Variants in ASCC3 observed in about 807,000 individuals in gnomAD.
ASCC3 encodes the protein activating signal cointegrator 1 complex subunit 3.
A neutral mutation model predicts 256.3 loss-of-function variants in ASCC3; 158 were observed. That is an observed-to-expected ratio of 0.62 (90% CI 0.54 to 0.70). The LOEUF (loss-of-function observed/expected upper bound fraction) is 0.70, where lower values mean the gene tolerates loss of function less well. Among genes scored for constraint, ASCC3 ranks in the 30% least tolerant of loss-of-function variants. The pLI, the probability that ASCC3 is intolerant of heterozygous loss-of-function variation, is 0.00. For missense variants in ASCC3, 2,259 were observed against 2,626.0 expected (o/e 0.86, Z 3.05); for synonymous variants, 948 against 883.4 (o/e 1.07, Z -1.30).
At chr6:100,798,666 G>A (rs371998524) in intron 8 of ASCC3, 47 bp downstream of exon 8, 43 of 1,607,358 alleles carry the variant, frequency 2.7e-5, no homozygotes, top group Admixed American at 5.0e-5. Flanking sequence ...CATTCATACC[G>A]CATACCAAGC....
chr6:100,586,302 C>T (rs1261882048), intron 36 of ASCC3, among the ~76,000 whole-genome samples: 1 of 152,160 alleles, frequency 6.6e-6, no homozygotes, highest in African/African-American at 2.4e-5. Flanking sequence ...TGACCCTTCC[C>T]CAGCCTTGCT....
intron 10 of ASCC3, among the ~76,000 whole-genome samples, chr6:100,756,383 G>A (rs1013263250): frequency 6.6e-6 from 1 of 151,886 alleles, no homozygotes; most frequent in East Asian, 1.9e-4. Flanking sequence ...AAGTAATTCA[G>A]TAAAAGCTTG....
At chr6:100,784,209 T>G (rs1039604106) in intron 8 of ASCC3, among the ~76,000 whole-genome samples, 1 of 152,114 alleles carries the variant, frequency 6.6e-6, no homozygotes, top group Non-Finnish European at 1.5e-5. Flanking sequence ...TCAATGAAAA[T>G]ACTGACTTCC....
chr6:100,602,739 G>C (rs773741524), intron 33 of ASCC3, among the ~76,000 whole-genome samples: 1 of 152,056 alleles, frequency 6.6e-6, no homozygotes, highest in Non-Finnish European at 1.5e-5. Flanking sequence ...AGTACACAAA[G>C]ATAATCAGAT....
chr6:100,591,344 G>T (rs1212060881), intron 34 of ASCC3, among the ~76,000 whole-genome samples: 2 of 151,940 alleles, frequency 1.3e-5, no homozygotes, highest in African/African-American at 4.8e-5. Flanking sequence ...CCATATAAAA[G>T]ATACAAATAT....
chr6:100,530,140 C>T (rs529502731), intron 37 of ASCC3: 6 of 560,412 alleles, frequency 1.1e-5, no homozygotes, highest in African/African-American at 9.4e-5. Context: ...TACACTGTCA[C>T]ATTTCTCTAT....
At chr6:100,844,841 A>G (rs887438531) in intron 4 of ASCC3, among the ~76,000 whole-genome samples, 6 of 152,152 alleles carry the variant, frequency 3.9e-5, no homozygotes, top group African/African-American at 1.4e-4. Context: ...ACACAGATGT[A>G]CTTTCTATGT....
chr6:100,613,344 C>T (rs965266142), intron 30 of ASCC3, among the ~76,000 whole-genome samples: 1 of 151,874 alleles, frequency 6.6e-6, no homozygotes, highest in Non-Finnish European at 1.5e-5. Context: ...TTTGTGGGTA[C>T]ATAGTCACAT....
intron 10 of ASCC3, among the ~76,000 whole-genome samples, chr6:100,733,045 G>A (rs897628678): frequency 6.6e-6 from 1 of 152,132 alleles, no homozygotes; most frequent in African/African-American, 2.4e-5. Context: ...ATAAGGTTTA[G>A]TAAAGTGATA....
At chr6:100,715,153 C>T (rs72942932) in intron 13 of ASCC3, 7,226 of 195,196 alleles carry the variant, frequency 0.037, 168 homozygotes, top group Middle Eastern at 0.072. Flanking sequence ...TCAAACAATA[C>T]AGAACTTTAT....
chr6:100,540,330 C>T lies in ASCC3; in HGVS notation c.5608G>A (p.Glu1870Lys). The part of the protein sequence containing the change: ...VRHNEDHMNS[E>K]LAKCLPIESN... Reference sequence around the variant, plus strand: ...TCAATGGGAAGACATTTTGCCAGTTCACTATTCATATGATCTTCATTGTGT... The same window carrying T: ...TCAATGGGAAGACATTTTGCCAGTTTACTATTCATATGATCTTCATTGTGT... The change falls in exon 37 of 42, where the codon GAA becomes AAA. Residue 1870 changes from glutamate to lysine, a missense_variant. By Grantham distance (56) the Glu-to-Lys change is moderately conservative. Transcript: ENST00000369162. 6.2e-7 allele frequency: 1 copy of T among 1,612,410 alleles called. No homozygotes were observed. Among genetic ancestry groups the T allele is most frequent in the South Asian group, 1.1e-5 (1 of 90,984 alleles).
chr6:100,563,255 CTT>C (rs1042019336), intron 36 of ASCC3, among the ~76,000 whole-genome samples: 1 of 152,002 alleles, frequency 6.6e-6, no homozygotes, highest in Non-Finnish European at 1.5e-5. Context: ...TTCTTCAACT[CTT>C]TTTTGTGCTT....
intron 13 of ASCC3, among the ~76,000 whole-genome samples, chr6:100,712,214 CTCTT>C (rs769982186): frequency 4.1e-4 from 63 of 152,110 alleles, no homozygotes; most frequent in Non-Finnish European, 7.9e-4. Context: ...ATGGCAGTAA[CTCTT>C]TATATACAAC....
At chr6:100,517,613 T>G (rs1250530112) in intron 38 of ASCC3, among the ~76,000 whole-genome samples, 4 of 152,208 alleles carry the variant, frequency 2.6e-5, no homozygotes, top group African/African-American at 9.6e-5. Context: ...GGATTTCAGA[T>G]ATCTCAAATC....
intron 4 of ASCC3, among the ~76,000 whole-genome samples, chr6:100,814,193 G>C (rs1292690330): frequency 6.6e-6 from 1 of 152,058 alleles, no homozygotes; most frequent in African/African-American, 2.4e-5. Flanking sequence ...ATCTATTGAG[G>C]TAAGCATGTG....
Position 100,662,443 on chromosome 6 carries a change from C to T in ASCC3, c.2380G>A (p.Val794Ile). The T allele has an allele frequency of 6.2e-7, 1 of 1,613,314 alleles. No individual in the cohort carries two copies. Among genetic ancestry groups the T allele is most frequent in the African/African-American group, 1.3e-5 (1 of 74,988 alleles). Residue 794 changes from valine (V) to isoleucine (I), a missense_variant, in exon 15 of 42, where the codon GTT becomes ATT. This residue lies in a region of ASCC3 where 1,839 missense variants were observed against 2,206.7 expected (regional missense o/e 0.83). Coordinates refer to ENST00000369162, the MANE Select transcript of ASCC3 (RefSeq NM_006828.4). ...AGMLRQDRNL[V>I]ENLFSNGHIK... The stretch of plus-strand genomic sequence containing the variant: ...TGCCCATTAGAAAACAAGTTTTCAA[C>T]TAAATTTCTGTCCTGCCGAAGCATT...
intron 36 of ASCC3, among the ~76,000 whole-genome samples, chr6:100,585,789 C>T (rs992197519): frequency 2.0e-5 from 3 of 152,162 alleles, no homozygotes; most frequent in African/African-American, 7.2e-5. Context: ...TGTTAGTTTT[C>T]CTTCTAACAG....
In ASCC3 at chr6:100,700,370, G is replaced by A. The variant is rs117006903; in HGVS notation, c.2151+15092C>T. 0.013 allele frequency among the ~76,000 whole-genome samples: 1,935 copies of A among 152,272 alleles called. 96 individuals carry two copies. In the East Asian group the frequency reaches 0.14, roughly 11 times the overall value. On this transcript the variant is annotated intron_variant, in intron 13 of 41. Coordinates refer to ENST00000369162, the MANE Select transcript of ASCC3 (RefSeq NM_006828.4). ...ATGTATGAAAATGTCTGGATACCCA[G>A]GCAGAAGTTTGCTATAGGGATGGGG...
At chr6:100,556,327 A>G (rs912481178) in intron 36 of ASCC3, among the ~76,000 whole-genome samples, 4 of 152,252 alleles carry the variant, frequency 2.6e-5, no homozygotes, top group African/African-American at 9.6e-5. Context: ...ATACAGGCAC[A>G]ATTGCCAAAT....
Sources: allele counts gnomAD v4.1 joint callset (sites outside exome capture counted in the v4.1 genomes callset), GRCh38; gene constraint gnomAD v4.1.1; regional missense constraint gnomAD v4.1.1; transcripts MANE v1.5; gene names NCBI Gene and HGNC (gene_info 2026-07-23, HGNC 2026-07-21).